The following CSMD3 variants were observed in gnomAD, a reference collection of about 807,000 sequenced individuals.
CSMD3 encodes CUB and sushi domain-containing protein 3.
CSMD3 carries 177 observed loss-of-function variants against 435.2 expected under a neutral mutation model. The observed-to-expected ratio is 0.41, with a 90% CI of 0.36 to 0.46. The LOEUF is 0.46. Ranked by LOEUF, CSMD3 falls within the 20% of genes least tolerant of loss-of-function variation. The pLI, the probability that CSMD3 is intolerant of heterozygous loss-of-function variation, is 0.34. For missense variants in CSMD3, 4,265 were observed against 4,504.6 expected (o/e 0.95, Z 1.52); for synonymous variants, 1,656 against 1,520.5 (o/e 1.09, Z -2.07).
chr8:112,806,941 A>G (rs1011621849), intron 12 of CSMD3, among the ~76,000 whole-genome samples: 4 of 152,178 alleles, frequency 2.6e-5, no homozygotes, highest in Non-Finnish European at 5.9e-5. Flanking sequence ...CCAAGTTTGC[A>G]GTTTCCCACC....
chr8:113,235,102 T>C (rs571306740), intron 3 of CSMD3, among the ~76,000 whole-genome samples: 1 of 152,132 alleles, frequency 6.6e-6, no homozygotes, highest in African/African-American at 2.4e-5. Context: ...TCTCTACATT[T>C]AAGCGGACTT....
At chr8:113,428,927 T>G (rs1343576374) in intron 1 of CSMD3, among the ~76,000 whole-genome samples, 2 of 151,900 alleles carry the variant, frequency 1.3e-5, no homozygotes, top group Non-Finnish European at 3.0e-5. Context: ...CCTATTATTT[T>G]AAACTCATGA....
At chr8:113,091,813 C>G (rs2090013003) in intron 5 of CSMD3, among the ~76,000 whole-genome samples, 1 of 151,550 alleles carries the variant, frequency 6.6e-6, no homozygotes, top group Non-Finnish European at 1.5e-5. Context: ...TATTGCTTTT[C>G]TATTAATTTT....
At chr8:112,983,952 C>A (rs2085151718) in intron 6 of CSMD3, among the ~76,000 whole-genome samples, 1 of 151,848 alleles carries the variant, frequency 6.6e-6, no homozygotes, top group Admixed American at 6.6e-5. Context: ...TCTTACTTTC[C>A]TGCAACAGAC....
chr8:113,436,488 T>C (rs2094706760), intron 1 of CSMD3, among the ~76,000 whole-genome samples, 189 bp downstream of exon 1: 1 of 152,340 alleles, frequency 6.6e-6, no homozygotes, highest in African/African-American at 2.4e-5. Context: ...ATCACCGCAT[T>C]GAACGCCAAA....
chr8:112,990,844 C>T (rs2085430234), intron 6 of CSMD3, among the ~76,000 whole-genome samples: 1 of 151,900 alleles, frequency 6.6e-6, no homozygotes, highest in Non-Finnish European at 1.5e-5. Context: ...CAACTCCACT[C>T]ACTGTAGTTA....
chr8:112,918,683 C>G (rs868400248), intron 10 of CSMD3, among the ~76,000 whole-genome samples: 1 of 151,826 alleles, frequency 6.6e-6, no homozygotes, highest in East Asian at 1.9e-4. Context: ...GTATACATAA[C>G]CCATCTATGG....
intron 3 of CSMD3, among the ~76,000 whole-genome samples, chr8:113,197,717 T>A (rs2092674109): frequency 6.6e-6 from 1 of 151,408 alleles, no homozygotes; most frequent in African/African-American, 2.4e-5. Context: ...GATCTTATAG[T>A]ACAGAATATT....
intron 59 of CSMD3, among the ~76,000 whole-genome samples, chr8:112,271,556 C>A (rs1229363668): frequency 1.3e-5 from 2 of 152,016 alleles, no homozygotes; most frequent in African/African-American, 4.8e-5. Flanking sequence ...AACATGGATT[C>A]TTGAGTGAAA....
At chr8:112,692,969 CT>C in intron 13 of CSMD3, among the ~76,000 whole-genome samples, 2 of 137,426 alleles carry the variant, frequency 1.5e-5, no homozygotes, top group African/African-American at 2.8e-5. Context: ...ATCTATCTAT[CT>C]ATCGAGAGAA....
intron 45 of CSMD3, among the ~76,000 whole-genome samples, chr8:112,334,908 T>C (rs924489383): frequency 2.0e-5 from 3 of 152,158 alleles, no homozygotes; most frequent in Non-Finnish European, 4.4e-5. Flanking sequence ...AATGAATGAG[T>C]AATGTGATCC....
chr8:112,786,987 G>C, intron 13 of CSMD3, among the ~76,000 whole-genome samples: 1 of 152,060 alleles, frequency 6.6e-6, no homozygotes, highest in East Asian at 1.9e-4. Flanking sequence ...TGCAGTGTTT[G>C]GTTTTCTGTT....
At chr8:113,286,128 T>A (rs2093645095) in intron 2 of CSMD3, among the ~76,000 whole-genome samples, 1 of 152,162 alleles carries the variant, frequency 6.6e-6, no homozygotes, top group Non-Finnish European at 1.5e-5. Context: ...CTTAGCATTT[T>A]ATGTTTTACT....
chr8:113,335,012 T>C (rs1454401771), intron 1 of CSMD3, among the ~76,000 whole-genome samples: 1 of 152,036 alleles, frequency 6.6e-6, no homozygotes. Flanking sequence ...GGGAGGTGAT[T>C]GAATCATATG....
chr8:112,810,394 C>A (rs118057557), intron 12 of CSMD3, among the ~76,000 whole-genome samples: 1 of 151,978 alleles, frequency 6.6e-6, no homozygotes, highest in African/African-American at 2.4e-5. Flanking sequence ...ACAAATCTGA[C>A]GTTTATAGGT....
chr8:113,054,344 T>C (rs1033103453), intron 5 of CSMD3, among the ~76,000 whole-genome samples: 5 of 152,204 alleles, frequency 3.3e-5, no homozygotes, highest in African/African-American at 1.2e-4. Context: ...TGACTACAAG[T>C]ACGTCGACAC....
chr8:112,731,207 G>T (rs1262773383), intron 13 of CSMD3, among the ~76,000 whole-genome samples: 1 of 152,062 alleles, frequency 6.6e-6, no homozygotes, highest in Non-Finnish European at 1.5e-5. Flanking sequence ...TAAGAGGATA[G>T]ATCTACACTA....
Position 112,608,889 on chromosome 8 carries a change from C to T in CSMD3, c.3716-21654G>A, listed in dbSNP as rs181917198. Among the ~76,000 whole-genome samples the T allele has an allele frequency of 4.4e-3, 671 of 151,990 alleles. 9 individuals carry two copies. Among genetic ancestry groups the T allele is most frequent in the Middle Eastern group, 6.8e-3 (2 of 294 alleles). ...TTAATCATGAGACCTGAAACCTTAA[C>T]ACTTCTAATAGAAAACAGAAAAAAG... On this transcript the variant is annotated intron_variant, in intron 22 of 70. Coordinates refer to ENST00000297405, the MANE Select transcript of CSMD3 (RefSeq NM_198123.2).
intron 24 of CSMD3, among the ~76,000 whole-genome samples, chr8:112,564,643 T>C (rs908843266): frequency 6.6e-6 from 1 of 152,032 alleles, no homozygotes; most frequent in Admixed American, 6.6e-5. Context: ...TAGCTGCTGG[T>C]GGAAAATAAT....
Sources: gnomAD v4.1 joint callset for allele counts (sites outside exome capture counted in the v4.1 genomes callset) on GRCh38, gnomAD v4.1.1 for gene constraint, MANE v1.5 for transcripts, NCBI Gene and HGNC (gene_info 2026-07-23, HGNC 2026-07-21) for gene names.